Variants in EYS observed in about 807,000 individuals in gnomAD.
The protein encoded by EYS is EGF-like photoreceptor maintenance factor, also known as protein eyes shut homolog.
Under a neutral mutation model 282.1 loss-of-function variants are expected in EYS, and 250 were observed. The observed-to-expected ratio is 0.89, with a 90% CI of 0.80 to 0.98. The LOEUF (loss-of-function observed/expected upper bound fraction) is 0.98, where lower values mean the gene tolerates loss of function less well. Among genes scored for constraint, EYS ranks in the 50% least tolerant of loss-of-function variants. The pLI, the probability that EYS is intolerant of heterozygous loss-of-function variation, is 0.00. For missense variants in EYS, 4,016 were observed against 3,709.0 expected (o/e 1.08, Z -2.15); for synonymous variants, 1,355 against 1,282.9 (o/e 1.06, Z -1.20).
At chr6:63,917,478 G>A (rs1581974116) in intron 35 of EYS, among the ~76,000 whole-genome samples, 1 of 152,212 alleles carries the variant, frequency 6.6e-6, no homozygotes, top group East Asian at 1.9e-4. Flanking sequence ...CATAGCAACA[G>A]GATAAGGAAC....
chr6:64,201,927 T>C (rs1765467964), intron 31 of EYS, among the ~76,000 whole-genome samples: 1 of 152,160 alleles, frequency 6.6e-6, no homozygotes, highest in Non-Finnish European at 1.5e-5. Flanking sequence ...AACTAGGAAG[T>C]GGTATGACTG....
chr6:64,547,281 C>T (rs12661367), intron 26 of EYS, among the ~76,000 whole-genome samples: 14,351 of 152,122 alleles, frequency 0.094, 853 homozygotes, highest in East Asian at 0.16. Flanking sequence ...TCTTATCTGG[C>T]CCCACCCACA....
intron 15 of EYS, among the ~76,000 whole-genome samples, chr6:64,936,616 T>C (rs9445439): frequency 0.72 from 108,945 of 151,154 alleles, 40,297 homozygotes; most frequent in African/African-American, 0.9. Flanking sequence ...AAATCAGTGC[T>C]GTCTCTATAC....
chr6:65,595,051 G>C (rs1047194773), intron 2 of EYS, among the ~76,000 whole-genome samples: 21 of 152,046 alleles, frequency 1.4e-4, no homozygotes, highest in African/African-American at 4.8e-4. Context: ...GTACCATGCT[G>C]TTTTGGTTAG....
chr6:65,171,421 A>G (rs1386979166), intron 12 of EYS, among the ~76,000 whole-genome samples: 1 of 151,568 alleles, frequency 6.6e-6, no homozygotes, highest in Non-Finnish European at 1.5e-5. Flanking sequence ...TTAACTTTTC[A>G]ATGCTTACAT....
intron 19 of EYS, among the ~76,000 whole-genome samples, chr6:64,867,321 C>T (rs1314777904): frequency 6.6e-6 from 1 of 151,708 alleles, no homozygotes; most frequent in Admixed American, 6.6e-5. Context: ...ATCTTTTTCA[C>T]CTAATACAAC....
chr6:63,942,066 A>G (rs904529161), intron 35 of EYS, among the ~76,000 whole-genome samples: 1 of 152,176 alleles, frequency 6.6e-6, no homozygotes, highest in African/African-American at 2.4e-5. Flanking sequence ...AGTTTTTAGG[A>G]AAACATGATG....
chr6:64,018,270 G>T (rs959098070), intron 33 of EYS, among the ~76,000 whole-genome samples: 1 of 152,152 alleles, frequency 6.6e-6, no homozygotes, highest in Non-Finnish European at 1.5e-5. Context: ...AGTAGATAAA[G>T]AAATAGTTGT....
At chr6:63,856,353 T>C (rs1213819421) in intron 36 of EYS, among the ~76,000 whole-genome samples, 1 of 152,204 alleles carries the variant, frequency 6.6e-6, no homozygotes, top group African/African-American at 2.4e-5. Flanking sequence ...TAGACCTTTT[T>C]AAAAAGCAGG....
At chr6:65,089,344 A>G (rs1408471828) in intron 12 of EYS, among the ~76,000 whole-genome samples, 1 of 152,190 alleles carries the variant, frequency 6.6e-6, no homozygotes, top group African/African-American at 2.4e-5. Flanking sequence ...GGAGCTGCCC[A>G]AGGCTGTGGG....
chr6:65,608,664 G>A (rs923659583), intron 2 of EYS, among the ~76,000 whole-genome samples: 9 of 151,744 alleles, frequency 5.9e-5, no homozygotes, highest in Non-Finnish European at 7.4e-5. Context: ...TTCCACAACC[G>A]TAAAAAATAT....
intron 2 of EYS, among the ~76,000 whole-genome samples, chr6:65,528,056 T>C (rs992620326): frequency 1.3e-5 from 2 of 152,204 alleles, no homozygotes; most frequent in African/African-American, 2.4e-5. Context: ...CACTATACTT[T>C]CAGTGTTGAG....
chr6:64,591,564 CA>C lies in EYS; in HGVS notation c.4302del (p.Asp1435IlefsTer4). 3 of 1,551,188 alleles carry C rather than the reference CA, an allele frequency of 1.9e-6. No homozygotes were observed. The highest frequency in any genetic ancestry group is 2.6e-6 in the Non-Finnish European group (3 of 1,146,716). On this transcript the variant is annotated frameshift_variant, in exon 26 of 43. Coordinates refer to ENST00000503581, the MANE Select transcript of EYS (RefSeq NM_001142800.2). LOFTEE classifies it high-confidence loss of function. ...TTSVIRSIPGADIELNRQSLL... is the reference protein window; with the variant it reads ...TTSVIRSIPGXDIELNRQSLL... Reference sequence around the variant, plus strand: ...AATGACTGCCTGTTTAGCTCAATATCAGCCCCTGGAATGCTTCTAATTACTG... The same window carrying C: ...AATGACTGCCTGTTTAGCTCAATATCGCCCCTGGAATGCTTCTAATTACTG...
In EYS at chr6:64,292,625, G is replaced by GT. The variant is rs1356522092; in HGVS notation, c.6191+14344dup. ...AATATATATTTATATTTACATCTTT[G>GT]TTTTTTTGTGCTGTTTTCTGAAATA... On this transcript the variant is annotated intron_variant, in intron 30 of 42. Transcript: ENST00000503581. Among the ~76,000 whole-genome samples the GT allele has an allele frequency of 6.6e-5, 10 of 151,968 alleles. No homozygotes were observed. In the South Asian group the frequency reaches 1.0e-3, roughly 16 times the overall value.
In EYS at chr6:65,584,992, A is replaced by T. The variant is rs960110906; in HGVS notation, c.-333+54786T>A. On this transcript the variant is annotated intron_variant, in intron 2 of 42. Coordinates refer to ENST00000503581, the MANE Select transcript of EYS (RefSeq NM_001142800.2). ...ACAATTTTGTTCAAACTGTATTTGT[A>T]TCTTATGTTTCTGTTCATGCTTCTG... Among the ~76,000 whole-genome samples the T allele has an allele frequency of 3.4e-4, 52 of 151,554 alleles. 1 individual carries two copies. Among genetic ancestry groups the T allele is most frequent in the Admixed American group, 2.4e-3 (36 of 15,162 alleles).
At chr6:64,062,494 C>G (rs1771210402) in intron 33 of EYS, among the ~76,000 whole-genome samples, 1 of 152,032 alleles carries the variant, frequency 6.6e-6, no homozygotes, top group Non-Finnish European at 1.5e-5. Flanking sequence ...GAGATCAAGA[C>G]CAACCTGGCC....
chr6:64,295,372 A>AGG (rs1333380585), intron 30 of EYS, among the ~76,000 whole-genome samples: 3 of 11,430 alleles, frequency 2.6e-4, no homozygotes, highest in African/African-American at 6.1e-4. Flanking sequence ...AAGAAGAAGG[A>AGG]AGAAGAAGAA....
chr6:64,321,015 C>CA (rs958706686), intron 29 of EYS, among the ~76,000 whole-genome samples: 1 of 151,618 alleles, frequency 6.6e-6, no homozygotes, highest in Non-Finnish European at 1.5e-5. Context: ...ATTCCCTACT[C>CA]AAAAAAATTT....
chr6:64,695,707 C>T (rs1448122174), intron 22 of EYS, among the ~76,000 whole-genome samples: 2 of 151,658 alleles, frequency 1.3e-5, no homozygotes, highest in Non-Finnish European at 2.9e-5. Flanking sequence ...GCATCAGCCT[C>T]ACAAGTAGCT....
Sources: allele counts gnomAD v4.1 joint callset (sites outside exome capture counted in the v4.1 genomes callset), GRCh38; gene constraint gnomAD v4.1.1; transcripts MANE v1.5; gene names NCBI Gene and HGNC (gene_info 2026-07-23, HGNC 2026-07-21).